Variants in TOMM20 observed in about 807,000 individuals in gnomAD.
TOMM20 encodes mitochondrial import receptor subunit TOM20 homolog.
Under a neutral mutation model 22.1 loss-of-function variants are expected in TOMM20, and 10 were observed. That is an observed-to-expected ratio of 0.45 (90% CI 0.28 to 0.77). The LOEUF (loss-of-function observed/expected upper bound fraction) is 0.77, where lower values mean the gene tolerates loss of function less well. Ranked by LOEUF, TOMM20 falls within the 30% of genes least tolerant of loss-of-function variation. TOMM20 has a pLI of 0.13. For synonymous variants in TOMM20, 55 were observed against 61.4 expected (o/e 0.90, Z 0.49); for missense variants, 121 against 172.2 (o/e 0.70, Z 1.66).
chr1:235,119,941 AG>A (rs2102810776), intron 2 of TOMM20, 42 bp from the exon 3 acceptor site: 1 of 1,360,566 alleles, frequency 7.3e-7, no homozygotes, highest in East Asian at 2.3e-5. Flanking sequence ...CAATTATGCC[AG>A]GGGATATAAC....
rs1330952628 is a variant in TOMM20, at chr1:235,109,839, C to A, written c.*2225G>T. 6.6e-6 allele frequency: 1 copy of A among 152,226 alleles called. No homozygotes were observed. Among genetic ancestry groups the A allele is most frequent in the African/African-American group, 2.4e-5 (1 of 41,446 alleles). 9.4% of individuals were successfully genotyped at this position (152,226 alleles called of 1,614,324 possible). A position where few individuals can be genotyped will look rare whatever the true frequency, so the allele number is the denominator to read the frequency against. On this transcript the variant is annotated 3_prime_UTR_variant, in exon 5 of 5. Transcript: ENST00000366607. ...TGTGCAACATTAGCACATGGAAACGCTCAAGCTGTGTATTAGTTCACTGAG... is the reference window on the plus strand; with the variant it reads ...TGTGCAACATTAGCACATGGAAACGATCAAGCTGTGTATTAGTTCACTGAG...
At chr1:235,116,971 T>G (rs559873418) in intron 3 of TOMM20, among the ~76,000 whole-genome samples, 1 of 148,362 alleles carries the variant, frequency 6.7e-6, no homozygotes, top group Admixed American at 6.7e-5. Context: ...CCGTCTCTAC[T>G]AAAAATACAA....
intron 1 of TOMM20, among the ~76,000 whole-genome samples, chr1:235,122,776 T>C (rs1401760352): frequency 6.6e-6 from 1 of 152,206 alleles, no homozygotes; most frequent in East Asian, 1.9e-4. Context: ...TACTGAATGT[T>C]GCAAACTGGC....
chr1:235,115,811 G>A (rs1163472577), intron 3 of TOMM20, among the ~76,000 whole-genome samples: 2 of 152,086 alleles, frequency 1.3e-5, no homozygotes, highest in Non-Finnish European at 2.9e-5. Flanking sequence ...GCAAAGGCAG[G>A]TTTGCAACAT....
In TOMM20 at chr1:235,113,870, A is replaced by T. The variant is rs1660782751; in HGVS notation, c.291T>A (p.Ile97=). 6.2e-7 allele frequency: 1 copy of T among 1,613,078 alleles called. No individual in the cohort carries two copies. The change falls in exon 4 of 5, where the codon ATT becomes ATA. Residue 97 remains isoleucine (I), a synonymous_variant. Coordinates refer to ENST00000366607, the MANE Select transcript of TOMM20 (RefSeq NM_014765.3). The stretch of plus-strand genomic sequence containing the variant: ...ACTGCTGTGGCTGTCCACACACAGC[A>T]ATTGCATTTGTCAGATGGTCTACGC... ...EKGVDHLTNA[I]AVCGQPQQLL... is the part of the protein sequence containing the mutation.
At chr1:235,128,537 T>C in intron 1 of TOMM20, 58 bp downstream of exon 1, 1 of 1,609,916 alleles carries the variant, frequency 6.2e-7, no homozygotes, top group Non-Finnish European at 8.5e-7. Flanking sequence ...TGACCCCTCC[T>C]GTGAAGGGCG....
At chr1:235,128,455 G>A (rs1661072196) in intron 1 of TOMM20, 140 bp downstream of exon 1, 7 of 1,354,366 alleles carry the variant, frequency 5.2e-6, no homozygotes, top group Middle Eastern at 2.7e-4. Context: ...GAGCGGCGCA[G>A]CCAGCGCCAT....
At chr1:235,117,373 G>A (rs1176832808) in intron 3 of TOMM20, among the ~76,000 whole-genome samples, 7 of 149,522 alleles carry the variant, frequency 4.7e-5, no homozygotes, top group Admixed American at 1.3e-4. Context: ...CAGGAGAATC[G>A]CTTGAACCCG....
chr1:235,126,124 GACACACAC>G (rs145614680), intron 1 of TOMM20, among the ~76,000 whole-genome samples: 37 of 148,816 alleles, frequency 2.5e-4, no homozygotes, highest in Non-Finnish European at 3.6e-4. Flanking sequence ...TATATATAAA[GACACACAC>G]ACACACACAC....
At chr1:235,125,742 CTTT>C (rs397863373) in intron 1 of TOMM20, among the ~76,000 whole-genome samples, 2 of 141,252 alleles carry the variant, frequency 1.4e-5, no homozygotes, top group Non-Finnish European at 3.1e-5. Context: ...CGCAACTGCA[CTTT>C]TTTTTTTTTT....
At chr1:235,121,200 A>G (rs1241849294) in intron 2 of TOMM20, among the ~76,000 whole-genome samples, 1 of 151,250 alleles carries the variant, frequency 6.6e-6, no homozygotes, top group Non-Finnish European at 1.5e-5. Context: ...TCCATCTCAA[A>G]AAAAAAAAAA....
At chr1:235,116,673 T>C (rs1660832942) in intron 3 of TOMM20, among the ~76,000 whole-genome samples, 1 of 152,030 alleles carries the variant, frequency 6.6e-6, no homozygotes, top group African/African-American at 2.4e-5. Flanking sequence ...ACTGCACCAT[T>C]GCACTCCAGC....
intron 1 of TOMM20, among the ~76,000 whole-genome samples, chr1:235,122,872 G>T (rs979324894): frequency 6.6e-6 from 1 of 152,208 alleles, no homozygotes; most frequent in Non-Finnish European, 1.5e-5. Flanking sequence ...AGGTACTTGA[G>T]CATCATCAGA....
chr1:235,112,370 G>T (rs1660753093), intron 4 of TOMM20, among the ~76,000 whole-genome samples: 1 of 152,100 alleles, frequency 6.6e-6, no homozygotes, highest in Non-Finnish European at 1.5e-5. Flanking sequence ...TTCAGATGGG[G>T]TCTCTGTAAC....
intron 1 of TOMM20, among the ~76,000 whole-genome samples, chr1:235,123,335 A>C (rs566103417): frequency 2.6e-5 from 4 of 152,240 alleles, no homozygotes; most frequent in African/African-American, 9.6e-5. Context: ...AAATACAAAA[A>C]TTAGCCGGGC....
At position 235,111,882 on chromosome 1, in the gene TOMM20, C is replaced by G. The variant is rs187054202; in HGVS notation, c.*182G>C. On this transcript the variant is annotated 3_prime_UTR_variant, in exon 5 of 5. Coordinates refer to ENST00000366607, the MANE Select transcript of TOMM20 (RefSeq NM_014765.3). ...ATGAAAAGTTCTCTATCAAAATACA[C>G]TTTTCACTGGGAAAAATAAATAAAA... The G allele has an allele frequency of 4.6e-4, 281 of 610,094 alleles. No individual in the cohort carries two copies. In the African/African-American group the frequency reaches 4.8e-3, roughly 10 times the overall value. The allele number at this position is 610,094 out of a possible 1,614,324, so 37.8% of individuals were successfully genotyped here. A position where few individuals can be genotyped will look rare whatever the true frequency, so the allele number is the denominator to read the frequency against.
chr1:235,112,919 A>T (rs1222089551), intron 4 of TOMM20, among the ~76,000 whole-genome samples: 1 of 152,250 alleles, frequency 6.6e-6, no homozygotes, highest in Non-Finnish European at 1.5e-5. Context: ...ATTTAGACAA[A>T]GTCCTTGGTT....
intron 2 of TOMM20, among the ~76,000 whole-genome samples, chr1:235,120,152 G>A (rs1660904342): frequency 6.6e-6 from 1 of 152,192 alleles, no homozygotes; most frequent in Non-Finnish European, 1.5e-5. Flanking sequence ...AGAAAAGAGT[G>A]CAAAATCTAT....
At chr1:235,128,444 G>A (rs1271580769) in intron 1 of TOMM20, 151 bp downstream of exon 1, 1 of 1,254,776 alleles carries the variant, frequency 8.0e-7, no homozygotes, top group Non-Finnish European at 1.1e-6. Flanking sequence ...TAGAGCCCCC[G>A]GAGCGGCGCA....
Sources: allele counts gnomAD v4.1 joint callset (sites outside exome capture counted in the v4.1 genomes callset), GRCh38; gene constraint gnomAD v4.1.1; transcripts MANE v1.5; gene names NCBI Gene and HGNC (gene_info 2026-07-23, HGNC 2026-07-21).